Variants in ARNT2 observed in about 807,000 individuals in gnomAD.
ARNT2 encodes the protein aryl hydrocarbon receptor nuclear translocator 2, also known as ARNT protein 2.
In ARNT2, 36 loss-of-function variants were observed where a neutral mutation model predicts 91.7. The observed-to-expected ratio is 0.39, with a 90% CI of 0.30 to 0.52. The LOEUF (loss-of-function observed/expected upper bound fraction) is 0.52. ARNT2 is among the 20% of genes least tolerant of loss of function. The pLI, the probability that ARNT2 is intolerant of heterozygous loss-of-function variation, is 0.72. For synonymous variants in ARNT2, 365 were observed against 347.1 expected, an observed-to-expected ratio of 1.05 and a Z score of -0.57; for missense variants, 775 against 939.3, an observed-to-expected ratio of 0.83 and a Z score of 2.29.
At chr15:80,454,629 G>A (rs1896455617) in intron 2 of ARNT2, among the ~76,000 whole-genome samples, 1 of 152,224 alleles carries the variant, frequency 6.6e-6, no homozygotes, top group Admixed American at 6.5e-5. Flanking sequence ...TGAAGGAGGA[G>A]CATTTTCCAG....
chr15:80,544,718 AT>A (rs1897964025), intron 8 of ARNT2, among the ~76,000 whole-genome samples: 1 of 152,224 alleles, frequency 6.6e-6, no homozygotes, highest in Admixed American at 6.5e-5. Flanking sequence ...CTGTGGGCAC[AT>A]TTTAGGGAAA....
chr15:80,563,095 A>G lies in ARNT2; in HGVS notation c.1172A>G (p.Lys391Arg). Residue 391 changes from lysine to arginine, a missense_variant, in exon 12 of 19, where the codon AAG (lysine) becomes AGG (arginine). By Grantham distance (26) the Lys-to-Arg change is conservative (BLOSUM62 2). Around this residue, in one of 5 missense-constraint regions of ARNT2, gnomAD observed 285 missense variants for 327.2 expected, o/e 0.87. Coordinates refer to ENST00000303329, the MANE Select transcript of ARNT2 (RefSeq NM_014862.4). ...CTCCAAATGTTTTCTCAGGTGGTTA[A>G]GCTGAAAGGCCAAGTCCTGTCGGTC... The part of the protein sequence containing the change: ...HLRESFQQVV[K>R]LKGQVLSVMY... 1 of 1,614,142 alleles carries G rather than the reference A, an allele frequency of 6.2e-7. No homozygotes were observed.
intron 1 of ARNT2, chr15:80,441,330 A>G: frequency 1.0e-6 from 1 of 985,392 alleles, no homozygotes; most frequent in Non-Finnish European, 1.2e-6. Flanking sequence ...TCTCCTAAGA[A>G]GGTGTTGGTC....
chr15:80,480,735 C>T (rs1034372710), intron 5 of ARNT2, among the ~76,000 whole-genome samples: 2 of 151,790 alleles, frequency 1.3e-5, no homozygotes, highest in Non-Finnish European at 2.9e-5. Flanking sequence ...CAAATTCCTC[C>T]CTCCCTCCCT....
chr15:80,486,245 T>C (rs7181179), intron 5 of ARNT2, among the ~76,000 whole-genome samples: 6,483 of 152,264 alleles, frequency 0.043, 290 homozygotes, highest in East Asian at 0.13. Context: ...TCATTTTAAC[T>C]TGATTCTATC....
chr15:80,596,989 A>AGGTTCTTTGTTGTGTT lies in ARNT2; in HGVS notation c.*3291_*3292insGGTTCTTTGTTGTGTT. The AGGTTCTTTGTTGTGTT allele has an allele frequency of 5.4e-6, 2 of 369,316 alleles. No individual in the cohort carries two copies. The highest frequency in any genetic ancestry group is 1.1e-5 in the Non-Finnish European group (2 of 186,964). 22.9% of individuals were successfully genotyped at this position (369,316 alleles called of 1,614,324 possible). A position where few individuals can be genotyped will look rare whatever the true frequency, so the allele number is the denominator to read the frequency against. On this transcript the variant is annotated 3_prime_UTR_variant, in exon 19 of 19. Coordinates refer to ENST00000303329, the MANE Select transcript of ARNT2 (RefSeq NM_014862.4). Reference sequence around the variant, plus strand: ...ATCACAAATAGCCACATTCTGCTCTACTCTCCAACATACCAGATTCTACAC... The same window carrying AGGTTCTTTGTTGTGTT: ...ATCACAAATAGCCACATTCTGCTCTAGGTTCTTTGTTGTGTTCTCTCCAACATACCAGATTCTACAC...
chr15:80,442,844 G>A (rs1312745645), intron 1 of ARNT2: 27 of 985,314 alleles, frequency 2.7e-5, no homozygotes, highest in South Asian at 4.7e-5. Context: ...CAGTGTAGGA[G>A]GATCAGGTGA....
chr15:80,497,802 T>C (rs1377582433), intron 5 of ARNT2, among the ~76,000 whole-genome samples: 1 of 152,238 alleles, frequency 6.6e-6, no homozygotes, highest in Non-Finnish European at 1.5e-5. Context: ...GAGATAATTA[T>C]AAGTATATTC....
At chr15:80,565,110 A>T (rs1898454105) in intron 12 of ARNT2, among the ~76,000 whole-genome samples, 1 of 151,988 alleles carries the variant, frequency 6.6e-6, no homozygotes, top group Non-Finnish European at 1.5e-5. Context: ...TTTTTAGCAG[A>T]GATGGGGTTT....
In ARNT2 at chr15:80,513,842, T is replaced by C. The variant is rs11072922; in HGVS notation, c.726-69T>C. The C allele has an allele frequency of 0.78, 1,048,274 of 1,337,396 alleles. 412,697 individuals carry two copies. Among genetic ancestry groups the C allele is most frequent in the African/African-American group, 0.83 (57,529 of 69,410 alleles). 82.8% of individuals were successfully genotyped at this position (1,337,396 alleles called of 1,614,324 possible). ...CATCAATTAAGGCTCATCTACTTGA[T>C]GGCAGCACCATATATTGAATAAACT... On this transcript the variant is annotated intron_variant, in intron 6 of 18. Transcript: ENST00000303329.
At chr15:80,409,273 T>A (rs1326390492) in intron 1 of ARNT2, among the ~76,000 whole-genome samples, 1 of 152,278 alleles carries the variant, frequency 6.6e-6, no homozygotes, top group African/African-American at 2.4e-5. Flanking sequence ...ACTGATGTTT[T>A]TACTGTCTCC....
chr15:80,496,894 C>T (rs1266341552), intron 5 of ARNT2, among the ~76,000 whole-genome samples: 1 of 152,226 alleles, frequency 6.6e-6, no homozygotes, highest in East Asian at 1.9e-4. Flanking sequence ...ACTGTGCAGT[C>T]ATGACAGCTT....
rs762759855 is a variant in ARNT2 at position 80,450,955 on chromosome 15, C to A, written c.107C>A (p.Ala36Glu). Residue 36 changes from alanine to glutamate, a missense_variant, in exon 2 of 19, where the codon GCG becomes GAG. Coordinates refer to ENST00000303329, the MANE Select transcript of ARNT2 (RefSeq NM_014862.4). ...GCGGCCACCGGACAGGTGAGGATGG[C>A]GGGGGCCATGCCTGCCCGTGGAGGA... The part of the protein sequence containing the change: ...PMAATGQVRM[A>E]GAMPARGGKR... The A allele has an allele frequency of 4.3e-6, 7 of 1,613,978 alleles. No individual in the cohort carries two copies. Among genetic ancestry groups the A allele is most frequent in the East Asian group, 2.2e-5 (1 of 44,894 alleles).
At chr15:80,500,088 C>T (rs746679713) in intron 5 of ARNT2, among the ~76,000 whole-genome samples, 8 of 152,190 alleles carry the variant, frequency 5.3e-5, no homozygotes, top group Non-Finnish European at 1.0e-4. Flanking sequence ...AAGGCCCATT[C>T]TCTCCCAGGT....
intron 1 of ARNT2, among the ~76,000 whole-genome samples, chr15:80,406,389 A>C (rs1250892613): frequency 2.0e-5 from 3 of 152,218 alleles, no homozygotes; most frequent in Non-Finnish European, 2.9e-5. Context: ...AACCCATTCA[A>C]CTACTTCAAA....
intron 1 of ARNT2, among the ~76,000 whole-genome samples, chr15:80,421,661 C>T (rs1277992193): frequency 6.6e-6 from 1 of 152,170 alleles, no homozygotes; most frequent in Non-Finnish European, 1.5e-5. Flanking sequence ...TCAAATTAAA[C>T]CCAACTTATT....
Position 80,404,382 on chromosome 15 carries a change from G to GCCGC in ARNT2, c.-125_-122dup, listed in dbSNP as rs1895564686. On this transcript the variant is annotated 5_prime_UTR_variant, in exon 1 of 19. Coordinates refer to ENST00000303329, the MANE Select transcript of ARNT2 (RefSeq NM_014862.4). This position sits in a 1 kb window ranked among gnomAD's most constrained non-coding sequence, Gnocchi z 5.5. ...CGGCGGCGGGGAGAGCGGAGGGAGC[G>GCCGC]CCGCCCGCCCGCGCCGTCCTTTGTG... 2.6e-6 allele frequency: 1 copy of GCCGC among 384,758 alleles called. No individual in the cohort carries two copies. Among genetic ancestry groups the GCCGC allele is most frequent in the Admixed American group, 6.2e-5 (1 of 16,226 alleles). 23.8% of individuals were successfully genotyped at this position (384,758 alleles called of 1,614,324 possible).
intron 1 of ARNT2, among the ~76,000 whole-genome samples, chr15:80,439,106 A>G (rs1447540965): frequency 6.6e-6 from 1 of 152,166 alleles, no homozygotes; most frequent in East Asian, 1.9e-4. Context: ...CATTCTTGCA[A>G]TAATATTTAT....
chr15:80,574,209 G>A lies in ARNT2; in HGVS notation c.1378G>A (p.Asp460Asn). 2 of 1,614,136 alleles carry A rather than the reference G, an allele frequency of 1.2e-6. No individual in the cohort carries two copies. The highest frequency in any genetic ancestry group is 1.7e-6 in the Non-Finnish European group (2 of 1,179,982). The stretch of plus-strand genomic sequence containing the variant: ...CCAGAGAGATGGATTGTCATCGTAT[G>A]ACTTATCCCAGGTGAGTTTCTGGAA... ...VHQRDGLSSY[D>N]LSQVPVPNLP... The change falls in exon 13 of 19, where the codon GAC (aspartate) becomes AAC (asparagine). Residue 460 changes from aspartate to asparagine, a missense_variant. This residue lies in a region of ARNT2 where 325 missense variants were observed against 359.9 expected (regional missense o/e 0.90). Transcript: ENST00000303329.
Sources: gnomAD v4.1 joint callset for allele counts (sites outside exome capture counted in the v4.1 genomes callset) on GRCh38, gnomAD v4.1.1 for gene constraint, gnomAD v4.1.1 regional missense constraint, Gnocchi (gnomAD v3.1) non-coding constraint, MANE v1.5 for transcripts, NCBI Gene and HGNC (gene_info 2026-07-23, HGNC 2026-07-21) for gene names.